The following GASK1A variants were observed in gnomAD, a reference collection of about 807,000 sequenced individuals.
GASK1A encodes golgi associated kinase 1A, also known as Golgi-associated kinase 1A.
GASK1A carries 40 observed loss-of-function variants against 41.2 expected under a neutral mutation model. The observed-to-expected ratio is 0.97, with a 90% CI of 0.75 to 1.27. The LOEUF is 1.27. Among genes scored for constraint, GASK1A ranks in the 50% most tolerant of loss-of-function variants. GASK1A has a pLI of 0.00. For synonymous variants in GASK1A, 316 were observed against 307.1 expected (o/e 1.03, Z -0.30); for missense variants, 678 against 745.1 (o/e 0.91, Z 1.05).
At chr3:42,987,516 G>T (rs189936881) in intron 1 of GASK1A, among the ~76,000 whole-genome samples, 1 of 152,056 alleles carries the variant, frequency 6.6e-6, no homozygotes, top group East Asian at 1.9e-4. Context: ...TATATGAAGA[G>T]AAACCTCATC....
chr3:43,033,588 C>CGG, intron 2 of GASK1A, 35 bp downstream of exon 2: 1 of 1,480,514 alleles, frequency 6.8e-7, no homozygotes, highest in Non-Finnish European at 9.0e-7. Context: ...TAGAGAGCTG[C>CGG]GGAGGTAGGG....
rs1435108572 is a variant in GASK1A at position 43,055,500 on chromosome 3, C to T, written c.1482C>T (p.Asp494=). The T allele has an allele frequency of 1.9e-6, 3 of 1,552,054 alleles. No individual in the cohort carries two copies. The Admixed American group carries it at 5.9e-5, about 30-fold the overall frequency. The stretch of plus-strand genomic sequence containing the variant: ...CTGGCAACCTTCAGCACCCTGAGGA[C>T]AAGCTGAACTTTCGGCTGCTGGAGG... The part of the protein sequence containing the change: ...DNAGNLQHPE[D]KLNFRLLEGI... Residue 494 remains aspartate (D), a synonymous_variant, in exon 4 of 5, where the codon GAC becomes GAT. Transcript: ENST00000430121.
Position 43,033,430 on chromosome 3 carries a change from C to T in GASK1A, c.1167C>T (p.Ala389=). ...CAGATGAGGATCAGAACTCTCTGGC[C>T]TTGGGCTGGCTGCAGTATCAGGCCC... is the stretch of plus-strand genomic sequence containing the variant. ...SDPDEDQNSL[A]LGWLQYQALL... The change falls in exon 2 of 5, where the codon GCC becomes GCT. Residue 389 remains alanine (A), a synonymous_variant. Transcript: ENST00000430121. The T allele has an allele frequency of 6.4e-7, 1 of 1,551,506 alleles. No individual in the cohort carries two copies.
intron 1 of GASK1A, among the ~76,000 whole-genome samples, chr3:43,008,819 C>T (rs1157843106): frequency 1.3e-5 from 2 of 152,172 alleles, no homozygotes; most frequent in East Asian, 3.9e-4. Context: ...TGGTATCAGT[C>T]CCTGAAACCT....
At chr3:43,046,903 G>A (rs904916898) in intron 2 of GASK1A, among the ~76,000 whole-genome samples, 3 of 152,208 alleles carry the variant, frequency 2.0e-5, no homozygotes, top group African/African-American at 7.2e-5. Flanking sequence ...AGGCCTCCAC[G>A]TGGTGTTGCA....
chr3:43,044,287 G>A (rs536620295), intron 2 of GASK1A, among the ~76,000 whole-genome samples: 15 of 152,252 alleles, frequency 9.9e-5, no homozygotes, highest in African/African-American at 2.4e-4. Context: ...GATATGTTGC[G>A]CTCCAAACAC....
intron 2 of GASK1A, among the ~76,000 whole-genome samples, chr3:43,051,763 C>T (rs959927486): frequency 6.6e-6 from 1 of 152,176 alleles, no homozygotes; most frequent in Non-Finnish European, 1.5e-5. Context: ...AACCAAAAAA[C>T]CATGCCTTTT....
chr3:43,053,174 G>A (rs1378101911), intron 2 of GASK1A, among the ~76,000 whole-genome samples: 2 of 152,214 alleles, frequency 1.3e-5, no homozygotes, highest in African/African-American at 2.4e-5. Context: ...AAAAAATAGA[G>A]TGATGTGGAA....
chr3:43,010,018 A>G (rs1173746829), intron 1 of GASK1A, among the ~76,000 whole-genome samples: 1 of 152,124 alleles, frequency 6.6e-6, no homozygotes, highest in Non-Finnish European at 1.5e-5. Context: ...AATGCAGCAC[A>G]ATTTTTCTGG....
At chr3:43,019,851 C>T (rs934254232) in intron 1 of GASK1A, among the ~76,000 whole-genome samples, 10 of 152,106 alleles carry the variant, frequency 6.6e-5, no homozygotes, top group Non-Finnish European at 1.3e-4. Flanking sequence ...AAACACTTTA[C>T]AAGTGCTTTG....
At chr3:43,008,158 C>T (rs2125678798) in intron 1 of GASK1A, among the ~76,000 whole-genome samples, 1 of 152,366 alleles carries the variant, frequency 6.6e-6, no homozygotes, top group African/African-American at 2.4e-5. Flanking sequence ...CTGACATAAG[C>T]TGTCTATGCC....
At chr3:43,035,642 T>A (rs1261023516) in intron 2 of GASK1A, among the ~76,000 whole-genome samples, 2 of 152,214 alleles carry the variant, frequency 1.3e-5, no homozygotes, top group Admixed American at 1.3e-4. Flanking sequence ...CCTCTGGGGA[T>A]CCCAGCCTTC....
intron 1 of GASK1A, among the ~76,000 whole-genome samples, chr3:43,018,389 C>G (rs2089505296): frequency 6.6e-6 from 1 of 152,150 alleles, no homozygotes; most frequent in Non-Finnish European, 1.5e-5. Context: ...CCTCACAAGT[C>G]AGATGTTTTC....
intron 1 of GASK1A, among the ~76,000 whole-genome samples, chr3:42,983,564 G>T (rs949377969): frequency 3.3e-5 from 5 of 152,184 alleles, no homozygotes; most frequent in African/African-American, 9.7e-5. Context: ...GGATGAGAAT[G>T]TAGCTCCCCA....
At chr3:43,003,354 G>T (rs995886963) in intron 1 of GASK1A, among the ~76,000 whole-genome samples, 1 of 152,098 alleles carries the variant, frequency 6.6e-6, no homozygotes. Flanking sequence ...AATTAGCCAG[G>T]CATGGTGGCA....
rs530751187 is a variant in GASK1A at position 42,998,371 on chromosome 3, G to T, written c.3+18726G>T. ...ACCTGACAGAGTTCATGGCTGGTGG[G>T]TGTGTCTAGGGCAGACCTGGAGCTC... On this transcript the variant is annotated intron_variant, in intron 1 of 4. Coordinates refer to ENST00000430121, the MANE Select transcript of GASK1A (RefSeq NM_001129908.3). Among the ~76,000 whole-genome samples, 7 of 152,280 alleles carry T rather than the reference G, an allele frequency of 4.6e-5. No individual in the cohort carries two copies. The East Asian group carries it at 5.8e-4, about 13-fold the overall frequency.
At chr3:43,000,768 A>T (rs1196957166) in intron 1 of GASK1A, among the ~76,000 whole-genome samples, 1 of 152,222 alleles carries the variant, frequency 6.6e-6, no homozygotes, top group Non-Finnish European at 1.5e-5. Context: ...TTAACTGTAC[A>T]GTCATTCAAC....
In GASK1A at chr3:43,056,238, C is replaced by T. The variant is rs372122179; in HGVS notation, c.1580C>T (p.Ser527Leu). The change falls in exon 5 of 5, where the codon TCG becomes TTG. Residue 527 changes from serine (S) to leucine (L), a missense_variant. Ser to Leu is a moderately radical substitution (Grantham distance 145). Coordinates refer to ENST00000430121, the MANE Select transcript of GASK1A (RefSeq NM_001129908.3). ...TGTCTACAGAACATGCTGCTGAAGT[C>T]GCTGCAGATGGACCCAGTGTTCTGG... ...SGCLQNMLLK[S>L]LQMDPVFWES... is the part of the protein sequence containing the mutation. 1.5e-5 allele frequency: 23 copies of T among 1,551,560 alleles called. No individual in the cohort carries two copies. The African/African-American group carries it at 1.5e-4, about 10-fold the overall frequency.
At chr3:42,999,897 A>G (rs538975252) in intron 1 of GASK1A, among the ~76,000 whole-genome samples, 1 of 152,272 alleles carries the variant, frequency 6.6e-6, no homozygotes, top group African/African-American at 2.4e-5. Flanking sequence ...CTATCTTCAG[A>G]GACCATCATT....
Sources: gnomAD v4.1 joint callset for allele counts (sites outside exome capture counted in the v4.1 genomes callset) on GRCh38, gnomAD v4.1.1 for gene constraint, MANE v1.5 for transcripts, NCBI Gene and HGNC (gene_info 2026-07-23, HGNC 2026-07-21) for gene names.